RSPH14: variants seen among roughly 807,000 people sequenced by gnomAD.
RSPH14 encodes the protein rhabdoid tumor deletion region gene 1.
Under a neutral mutation model 26.7 loss-of-function variants are expected in RSPH14, and 20 were observed. The ratio of observed to expected loss-of-function variants is 0.75; its 90% CI spans 0.53 to 1.09. RSPH14 has a LOEUF of 1.09. Among genes scored for constraint, RSPH14 ranks in the 50% least tolerant of loss-of-function variants. RSPH14 has a pLI of 0.00. For synonymous variants in RSPH14, 177 were observed against 189.3 expected (o/e 0.93, Z 0.53); for missense variants, 449 against 457.2 (o/e 0.98, Z 0.16).
At chr22:23,128,559 C>CT (rs1052547561) in intron 4 of RSPH14, among the ~76,000 whole-genome samples, 6 of 152,196 alleles carry the variant, frequency 3.9e-5, no homozygotes, top group Non-Finnish European at 5.9e-5. Context: ...GCCCAGGGCC[C>CT]CTGCAGGGCC....
intron 4 of RSPH14, among the ~76,000 whole-genome samples, chr22:23,130,358 G>A (rs2146428365): frequency 6.6e-6 from 1 of 151,756 alleles, no homozygotes; most frequent in South Asian, 2.1e-4. Flanking sequence ...GGGAGGCTGA[G>A]GCAGGAGAAT....
At chr22:23,104,452 C>T (rs937372207) in intron 4 of RSPH14, among the ~76,000 whole-genome samples, 2 of 152,304 alleles carry the variant, frequency 1.3e-5, no homozygotes, top group East Asian at 1.9e-4. Context: ...AGCTGCTTCC[C>T]ACCCCACATC....
At chr22:23,160,898 C>T in the RSPH14 span, 25 of 1,613,710 alleles carry the variant, frequency 1.5e-5, no homozygotes, top group African/African-American at 6.7e-5. Flanking sequence ...TGAAGGCATT[C>T]TTCAGCCGCG....
chr22:23,136,429 G>T lies in RSPH14; in HGVS notation c.303-2285C>A. The T allele has an allele frequency of 3.7e-6, 2 of 540,676 alleles. 1 individual carries two copies. Among genetic ancestry groups the T allele is most frequent in the East Asian group, 7.7e-5 (2 of 26,078 alleles). 33.5% of individuals were successfully genotyped at this position (540,676 alleles called of 1,614,324 possible). ...TGACATTGGTTATAAGATCACCACT[G>T]ACCTCAAGGGAAATTTAGAAGTTGG... On this transcript the variant is annotated intron_variant, in intron 3 of 6. Coordinates refer to ENST00000216036, the MANE Select transcript of RSPH14 (RefSeq NM_014433.3).
chr22:23,127,826 C>A (rs757801714), intron 4 of RSPH14, among the ~76,000 whole-genome samples: 1 of 152,204 alleles, frequency 6.6e-6, no homozygotes, highest in Admixed American at 6.5e-5. Context: ...ACATTTCACC[C>A]GCGGCACCCT....
At chr22:23,160,749 T>A in the RSPH14 span, 1 of 1,294,702 alleles carries the variant, frequency 7.7e-7, no homozygotes. Flanking sequence ...GGGGTCATTG[T>A]TACTGTCAGG....
At chr22:23,130,057 GA>G (rs1156868854) in intron 4 of RSPH14, among the ~76,000 whole-genome samples, 126 of 128,596 alleles carry the variant, frequency 9.8e-4, no homozygotes, top group Middle Eastern at 3.9e-3. Flanking sequence ...GAAAGAGAAA[GA>G]AAAAGAAAGA....
intron 4 of RSPH14, among the ~76,000 whole-genome samples, chr22:23,102,416 A>G (rs1422954245): frequency 6.6e-6 from 1 of 152,174 alleles, no homozygotes; most frequent in Admixed American, 6.5e-5. Flanking sequence ...CCCAGGGAGG[A>G]TGCAGCCACA....
chr22:23,138,377 C>A (rs573780652), intron 3 of RSPH14, among the ~76,000 whole-genome samples: 161 of 152,164 alleles, frequency 1.1e-3, no homozygotes, highest in African/African-American at 3.7e-3. Context: ...GGCTGGCCAA[C>A]GTGGTGAAAC....
the RSPH14 span, among the ~76,000 whole-genome samples, chr22:23,178,043 C>T: frequency 2.0e-5 from 3 of 152,146 alleles, no homozygotes; most frequent in African/African-American, 7.2e-5. Flanking sequence ...TCAAGCGATA[C>T]TCCTGCCTCG....
chr22:23,128,690 C>A (rs2070240555), intron 4 of RSPH14, among the ~76,000 whole-genome samples: 1 of 152,212 alleles, frequency 6.6e-6, no homozygotes, highest in Admixed American at 6.5e-5. Context: ...ACACCCATGA[C>A]ACAGGGGAAG....
chr22:23,067,961 G>A (rs1227177145), intron 4 of RSPH14, among the ~76,000 whole-genome samples: 2 of 152,192 alleles, frequency 1.3e-5, no homozygotes, highest in East Asian at 3.8e-4. Flanking sequence ...AACTCACATT[G>A]TCTGTGGGAC....
chr22:23,142,061 G>A (rs2070615436), upstream of RSPH14: 1 of 985,078 alleles, frequency 1.0e-6, no homozygotes. Context: ...CGCCGCGGTC[G>A]ACATAATCAG....
chr22:23,079,648 G>A (rs964269040), intron 4 of RSPH14, among the ~76,000 whole-genome samples: 1 of 152,196 alleles, frequency 6.6e-6, no homozygotes, highest in African/African-American at 2.4e-5. Flanking sequence ...TGCTGGTGGA[G>A]CACAGGGCAC....
intron 3 of RSPH14, among the ~76,000 whole-genome samples, chr22:23,135,242 G>A (rs2070446786): frequency 6.6e-6 from 1 of 150,596 alleles, no homozygotes; most frequent in African/African-American, 2.4e-5. Context: ...GGAAGGCCAA[G>A]GTGGGCGGAT....
At chr22:23,089,200 T>C (rs1401912776) in intron 4 of RSPH14, among the ~76,000 whole-genome samples, 1 of 152,190 alleles carries the variant, frequency 6.6e-6, no homozygotes, top group Non-Finnish European at 1.5e-5. Context: ...CTGATAAGTC[T>C]TCCCGCCCCT....
At chr22:23,145,293 T>C, upstream of RSPH14, 1 of 1,118,044 alleles carries the variant, frequency 8.9e-7, no homozygotes, top group Non-Finnish European at 1.3e-6. Flanking sequence ...CATGGTGATC[T>C]CCGGCTCTCC....
upstream of RSPH14, chr22:23,142,008 G>A: frequency 1.0e-6 from 1 of 985,498 alleles, no homozygotes; most frequent in Non-Finnish European, 1.2e-6. Flanking sequence ...CTATTCAGTT[G>A]CCAGGCGACA....
At chr22:23,120,045 TTGTC>T (rs1280620110) in intron 4 of RSPH14, among the ~76,000 whole-genome samples, 6 of 152,202 alleles carry the variant, frequency 3.9e-5, no homozygotes, top group South Asian at 2.1e-4. Flanking sequence ...CGGGAGATGT[TTGTC>T]TGTCCTGATG....
Sources: gnomAD v4.1 joint callset for allele counts (sites outside exome capture counted in the v4.1 genomes callset) on GRCh38, gnomAD v4.1.1 for gene constraint, MANE v1.5 for transcripts, NCBI Gene and HGNC (gene_info 2026-07-23, HGNC 2026-07-21) for gene names.